The following HOMER2 variants were observed in gnomAD, a reference collection of about 807,000 sequenced individuals.
HOMER2 encodes homer protein homolog 2.
HOMER2 carries 27 observed loss-of-function variants against 47.0 expected under a neutral mutation model. That is an observed-to-expected ratio of 0.57 (90% CI 0.42 to 0.79). The LOEUF is 0.79. Among genes scored for constraint, HOMER2 ranks in the 30% least tolerant of loss-of-function variants. HOMER2 has a pLI of 0.00. For synonymous variants in HOMER2, 161 were observed against 163.8 expected (o/e 0.98, Z 0.13); for missense variants, 443 against 435.0 (o/e 1.02, Z -0.16).
At chr15:82,848,844 C>T (rs1363517343), downstream of HOMER2, 1 of 152,360 alleles carries the variant, frequency 6.6e-6, no homozygotes, top group African/African-American at 2.4e-5. Flanking sequence ...CCCAGGGCCA[C>T]CCGAGCCCCA....
intron 3 of HOMER2, among the ~76,000 whole-genome samples, chr15:82,873,057 T>C (rs1264259349): frequency 1.3e-5 from 2 of 152,094 alleles, no homozygotes; most frequent in African/African-American, 4.8e-5. Flanking sequence ...TGGTACTTGC[T>C]CAAAAGACTT....
At chr15:82,871,522 A>C (rs1272843012) in intron 3 of HOMER2, among the ~76,000 whole-genome samples, 3 of 152,124 alleles carry the variant, frequency 2.0e-5, no homozygotes, top group African/African-American at 7.2e-5. Context: ...ACTTCATGAT[A>C]ATTTATCAGC....
rs185345174 is a variant in HOMER2 at position 82,876,883 on chromosome 15, G to C, written c.163-1479C>G. The stretch of plus-strand genomic sequence containing the variant: ...TGCCTTAACTAAAGGGATCTAGACA[G>C]TAAGTGACAGCTGTCAGTAGTAACA... On this transcript the variant is annotated intron_variant, in intron 2 of 8. Coordinates refer to ENST00000450735, the MANE Select transcript of HOMER2 (RefSeq NM_004839.4). 6.6e-5 allele frequency among the ~76,000 whole-genome samples: 10 copies of C among 152,348 alleles called. No homozygotes were observed. The East Asian group carries it at 1.9e-3, about 29-fold the overall frequency.
Position 82,942,443 on chromosome 15 carries a change from T to C in HOMER2, c.5+10088A>G, listed in dbSNP as rs148960358. Among the ~76,000 whole-genome samples, 419 of 152,330 alleles carry C rather than the reference T, an allele frequency of 2.8e-3. 3 individuals are homozygous for C. Among genetic ancestry groups the C allele is most frequent in the African/African-American group, 9.6e-3 (397 of 41,570 alleles). On this transcript the variant is annotated intron_variant, in intron 1 of 8. Coordinates refer to ENST00000450735, the MANE Select transcript of HOMER2 (RefSeq NM_004839.4). Reference sequence around the variant, plus strand: ...CCCTGAAACTACTGACTAGTCCACATGGCCCCTGGTACAACATCCTCCAAT... The same window carrying C: ...CCCTGAAACTACTGACTAGTCCACACGGCCCCTGGTACAACATCCTCCAAT...
chr15:82,865,743 G>C (rs1021047387), intron 3 of HOMER2, among the ~76,000 whole-genome samples: 1 of 152,192 alleles, frequency 6.6e-6, no homozygotes, highest in African/African-American at 2.4e-5. Flanking sequence ...GGGGCCAAGG[G>C]ACAGCTCGGG....
At chr15:82,985,905 G>T, upstream of HOMER2, 1 of 236,116 alleles carries the variant, frequency 4.2e-6, no homozygotes, top group Non-Finnish European at 6.9e-6. Context: ...GCAGGCGGCC[G>T]GAAGGAGCCC....
intron 1 of HOMER2, among the ~76,000 whole-genome samples, chr15:82,903,405 G>T (rs922987445): frequency 6.6e-6 from 1 of 152,026 alleles, no homozygotes; most frequent in Non-Finnish European, 1.5e-5. Flanking sequence ...CTGAGGTCGG[G>T]AGTTTGAGAC....
rs1185040562 is a variant in HOMER2 at position 82,913,692 on chromosome 15, C to G, written c.6-20851G>C. Among the ~76,000 whole-genome samples, 1 of 152,152 alleles carries G rather than the reference C, an allele frequency of 6.6e-6. No individual in the cohort carries two copies. The highest frequency in any genetic ancestry group is 2.4e-5 in the African/African-American group (1 of 41,436). On this transcript the variant is annotated intron_variant, in intron 1 of 8. Coordinates refer to ENST00000450735, the MANE Select transcript of HOMER2 (RefSeq NM_004839.4). The surrounding 1 kb of genome is among the most constrained non-coding windows in gnomAD (Gnocchi z 4.1). ...CCTTAGGAAATGTTCTTGCTGCAGT[C>G]CCTCCATCCTGGACCCTTCCTCCAG...
At chr15:82,930,921 G>A (rs1262558811) in intron 1 of HOMER2, among the ~76,000 whole-genome samples, 1 of 152,084 alleles carries the variant, frequency 6.6e-6, no homozygotes, top group Non-Finnish European at 1.5e-5. Flanking sequence ...AGCTACTTGG[G>A]GGGGCTGAGG....
At chr15:82,949,013 T>A (rs1157123726) in intron 1 of HOMER2, among the ~76,000 whole-genome samples, 1 of 152,164 alleles carries the variant, frequency 6.6e-6, no homozygotes, top group Non-Finnish European at 1.5e-5. Context: ...ACTCCAGATA[T>A]ATCCCGGAAG....
At chr15:82,934,658 G>T (rs562272377) in intron 1 of HOMER2, among the ~76,000 whole-genome samples, 4 of 152,146 alleles carry the variant, frequency 2.6e-5, no homozygotes, top group South Asian at 2.1e-4. Context: ...GGTGGATCCT[G>T]CCCCCCTGCC....
intron 1 of HOMER2, among the ~76,000 whole-genome samples, chr15:82,945,685 A>T (rs1274064852): frequency 6.6e-6 from 1 of 152,206 alleles, no homozygotes; most frequent in Non-Finnish European, 1.5e-5. Flanking sequence ...AAAAAGTGGT[A>T]GATGGCCGGG....
Position 82,849,738 on chromosome 15 carries a change from A to G in HOMER2, c.1009T>C (p.Ser337Pro). Reference sequence around the variant, plus strand: ...CCCTAGTTATCGGTGCCCAGCTTGGAGAGCCCTCGGCGGAAGTCATGCAGG... The same window carrying G: ...CCCTAGTTATCGGTGCCCAGCTTGGGGAGCCCTCGGCGGAAGTCATGCAGG... ...DDLHDFRRGLSKLGTDN is the reference protein window; with the variant it reads ...DDLHDFRRGLPKLGTDN Residue 337 changes from serine to proline, a missense_variant, in exon 9 of 9, where the codon TCC becomes CCC. Physicochemically the swap from Ser to Pro is moderately conservative, Grantham distance 74 (BLOSUM62 -1). Transcript: ENST00000450735. The G allele has an allele frequency of 6.2e-7, 1 of 1,613,666 alleles. No individual in the cohort carries two copies. Among genetic ancestry groups the G allele is most frequent in the Non-Finnish European group, 8.5e-7 (1 of 1,179,748 alleles).
At chr15:82,928,044 T>C (rs74030849) in intron 1 of HOMER2, among the ~76,000 whole-genome samples, 213 of 150,782 alleles carry the variant, frequency 1.4e-3, no homozygotes, top group African/African-American at 5.0e-3. Context: ...TGACTGCCCA[T>C]GTGGGATGAC....
intron 1 of HOMER2, among the ~76,000 whole-genome samples, chr15:82,901,384 G>C (rs962239383): frequency 6.6e-6 from 1 of 152,098 alleles, no homozygotes; most frequent in African/African-American, 2.4e-5. Flanking sequence ...TGAAGTGAAG[G>C]GGAAGTCTAG....
chr15:82,846,702 A>AT (rs1716551520), downstream of HOMER2: 1 of 152,194 alleles, frequency 6.6e-6, no homozygotes, highest in Admixed American at 6.5e-5. Flanking sequence ...GTCTAATGTG[A>AT]TGGCAGGCAG....
At chr15:82,944,813 T>C (rs1304648211) in intron 1 of HOMER2, among the ~76,000 whole-genome samples, 1 of 152,016 alleles carries the variant, frequency 6.6e-6, no homozygotes, top group Non-Finnish European at 1.5e-5. Context: ...TTTGTATACA[T>C]CCCTGCCAAC....
At chr15:82,858,880 G>T in intron 5 of HOMER2, 149 bp downstream of exon 5, 1 of 854,146 alleles carries the variant, frequency 1.2e-6, no homozygotes, top group Non-Finnish European at 1.8e-6. Context: ...AAGCCAGCTG[G>T]CCTTCCTTTC....
At chr15:82,946,855 G>T (rs986946626) in intron 1 of HOMER2, among the ~76,000 whole-genome samples, 7 of 152,078 alleles carry the variant, frequency 4.6e-5, no homozygotes, top group Admixed American at 2.6e-4. Context: ...AACCATCAGT[G>T]TACCACAGCA....
Sources: allele counts gnomAD v4.1 joint callset (sites outside exome capture counted in the v4.1 genomes callset), GRCh38; gene constraint gnomAD v4.1.1; non-coding constraint Gnocchi (gnomAD v3.1); transcripts MANE v1.5; gene names NCBI Gene and HGNC (gene_info 2026-07-23, HGNC 2026-07-21).